The following SLC10A7 variants were observed in gnomAD, a reference collection of about 807,000 sequenced individuals.
SLC10A7 encodes solute carrier family 10 member 7.
SLC10A7 carries 29 observed loss-of-function variants against 43.2 expected under a neutral mutation model. The observed-to-expected ratio is 0.67, with a 90% CI of 0.50 to 0.92. The LOEUF (loss-of-function observed/expected upper bound fraction) is 0.92, where lower values mean the gene tolerates loss of function less well. SLC10A7 is among the 40% of genes least tolerant of loss of function. SLC10A7 has a pLI of 0.00. For missense variants in SLC10A7, 295 were observed against 403.2 expected, an observed-to-expected ratio of 0.73 and a Z score of 2.30; for synonymous variants, 152 against 144.8, an observed-to-expected ratio of 1.05 and a Z score of -0.35.
chr4:146,315,194 T>C (rs1416562372), intron 6 of SLC10A7, among the ~76,000 whole-genome samples: 2 of 152,096 alleles, frequency 1.3e-5, no homozygotes, highest in Non-Finnish European at 2.9e-5. Context: ...CCTAGTACTG[T>C]TCACTAGGGT....
At chr4:146,410,480 TC>T (rs1275749161) in intron 5 of SLC10A7, among the ~76,000 whole-genome samples, 1 of 152,110 alleles carries the variant, frequency 6.6e-6, no homozygotes, top group Non-Finnish European at 1.5e-5. Flanking sequence ...CACATAGACT[TC>T]CTACAATGAG....
chr4:146,353,934 C>A (rs983679659), intron 5 of SLC10A7, among the ~76,000 whole-genome samples: 1 of 143,378 alleles, frequency 7.0e-6, no homozygotes, highest in African/African-American at 2.6e-5. Flanking sequence ...CAATATCATA[C>A]TGAATGGGCA....
chr4:146,405,859 G>A (rs1352150146), intron 5 of SLC10A7, among the ~76,000 whole-genome samples: 1 of 151,788 alleles, frequency 6.6e-6, no homozygotes, highest in Non-Finnish European at 1.5e-5. Context: ...CTTACAAGAT[G>A]ATGCCTAATT....
chr4:146,348,647 A>G (rs1177023993), intron 5 of SLC10A7, among the ~76,000 whole-genome samples: 1 of 152,098 alleles, frequency 6.6e-6, no homozygotes, highest in Admixed American at 6.5e-5. Flanking sequence ...AGAAAACTAC[A>G]GTACATAAAA....
chr4:146,486,556 T>A (rs1734938073), intron 4 of SLC10A7, among the ~76,000 whole-genome samples: 1 of 152,238 alleles, frequency 6.6e-6, no homozygotes, highest in African/African-American at 2.4e-5. Flanking sequence ...CATATGTGCA[T>A]GGTGTCTTAC....
chr4:146,484,465 C>T (rs1413095471), intron 4 of SLC10A7, among the ~76,000 whole-genome samples: 2 of 152,074 alleles, frequency 1.3e-5, no homozygotes, highest in Admixed American at 6.5e-5. Context: ...AACAATATTG[C>T]ATAATCTCAC....
intron 7 of SLC10A7, among the ~76,000 whole-genome samples, chr4:146,297,461 GT>G: frequency 6.6e-6 from 1 of 152,160 alleles, no homozygotes; most frequent in South Asian, 2.1e-4. Flanking sequence ...TAGATATAAA[GT>G]ATAACACCCA....
chr4:146,379,951 CTCTCTCTCTGTGTGTGTG>C (rs1162354172), intron 5 of SLC10A7, among the ~76,000 whole-genome samples: 2 of 150,792 alleles, frequency 1.3e-5, no homozygotes, highest in African/African-American at 4.9e-5. Context: ...CTCTCTCTCT[CTCTCTCTCTGTGTGTGTG>C]TGTGTGTGTG....
At chr4:146,273,031 T>C (rs1728990152) in intron 10 of SLC10A7, among the ~76,000 whole-genome samples, 2 of 152,126 alleles carry the variant, frequency 1.3e-5, no homozygotes, top group South Asian at 4.1e-4. Context: ...ATGGGTAAAA[T>C]TAATCTCTTT....
At chr4:146,363,147 G>C (rs4092338) in intron 5 of SLC10A7, among the ~76,000 whole-genome samples, 1 of 151,964 alleles carries the variant, frequency 6.6e-6, no homozygotes, top group Non-Finnish European at 1.5e-5. Flanking sequence ...AACACACATA[G>C]ACTGAAAATG....
chr4:146,302,268 G>A (rs1731212107), intron 7 of SLC10A7, among the ~76,000 whole-genome samples: 5 of 152,186 alleles, frequency 3.3e-5, no homozygotes, highest in Non-Finnish European at 1.5e-5. Context: ...GAGATGAGAA[G>A]TACAGGTAGA....
chr4:146,509,819 C>A, intron 3 of SLC10A7, 94 bp downstream of exon 3: 1 of 1,171,504 alleles, frequency 8.5e-7, no homozygotes, highest in South Asian at 1.8e-5. Context: ...AGATGGTACA[C>A]ATAAGCCCTT....
intron 5 of SLC10A7, among the ~76,000 whole-genome samples, chr4:146,354,548 C>T (rs1290039401): frequency 6.8e-6 from 1 of 147,768 alleles, no homozygotes; most frequent in Non-Finnish European, 1.5e-5. Flanking sequence ...CTTTAAAGTT[C>T]ATATGGAACC....
At chr4:146,398,915 A>G (rs1739025202) in intron 5 of SLC10A7, among the ~76,000 whole-genome samples, 1 of 152,260 alleles carries the variant, frequency 6.6e-6, no homozygotes, top group Admixed American at 6.5e-5. Context: ...CTGTGTAAGC[A>G]GCAGGAGAAC....
At chr4:146,345,009 T>C (rs1734520816) in intron 5 of SLC10A7, among the ~76,000 whole-genome samples, 1 of 152,158 alleles carries the variant, frequency 6.6e-6, no homozygotes, top group Non-Finnish European at 1.5e-5. Context: ...GGAAGAAAGC[T>C]ACTCACATCT....
chr4:146,258,406 C>T (rs1263047214), intron 11 of SLC10A7, among the ~76,000 whole-genome samples: 1 of 152,108 alleles, frequency 6.6e-6, no homozygotes, highest in Non-Finnish European at 1.5e-5. Flanking sequence ...ATTTACTGAA[C>T]CTTTACCCCA....
At chr4:146,282,123 T>C (rs994674344) in intron 10 of SLC10A7, among the ~76,000 whole-genome samples, 1 of 152,124 alleles carries the variant, frequency 6.6e-6, no homozygotes, top group Non-Finnish European at 1.5e-5. Flanking sequence ...CTAAGACTGT[T>C]TCAACTTCAA....
At chr4:146,339,266 A>G (rs1734091791) in intron 5 of SLC10A7, among the ~76,000 whole-genome samples, 1 of 151,994 alleles carries the variant, frequency 6.6e-6, no homozygotes, top group African/African-American at 2.4e-5. Flanking sequence ...GGTTTGGCAT[A>G]GCTCATCTAT....
intron 5 of SLC10A7, among the ~76,000 whole-genome samples, chr4:146,337,552 A>T (rs1344392015): frequency 6.6e-6 from 1 of 152,066 alleles, no homozygotes; most frequent in Non-Finnish European, 1.5e-5. Flanking sequence ...ATCATGGTTC[A>T]GTTGATATAA....
Sources: gnomAD v4.1 joint callset for allele counts (sites outside exome capture counted in the v4.1 genomes callset) on GRCh38, gnomAD v4.1.1 for gene constraint, MANE v1.5 for transcripts, NCBI Gene and HGNC (gene_info 2026-07-23, HGNC 2026-07-21) for gene names.